Variants in GNB1 observed in about 807,000 individuals in gnomAD.
The protein encoded by GNB1 is guanine nucleotide-binding protein G(I)/G(S)/G(T) subunit beta-1.
Under a neutral mutation model 42.9 loss-of-function variants are expected in GNB1, and 2 were observed. That is an observed-to-expected ratio of 0.05 (90% CI 0.02 to 0.15). The LOEUF is 0.15. Ranked by LOEUF, GNB1 falls within the 10% of genes least tolerant of loss-of-function variation. The pLI is 1.00. For synonymous variants in GNB1, 183 were observed against 174.7 expected (o/e 1.05, Z -0.38); for missense variants, 193 against 462.2 (o/e 0.42, Z 5.34).
At chr1:1,833,431 C>T (rs575192161) in intron 2 of GNB1, among the ~76,000 whole-genome samples, 41 of 152,292 alleles carry the variant, frequency 2.7e-4, no homozygotes, top group African/African-American at 9.1e-4. Context: ...CCGCTCCTAA[C>T]AATACTGTGA....
chr1:1,861,745 C>T (rs911030881), intron 1 of GNB1, among the ~76,000 whole-genome samples: 19 of 152,078 alleles, frequency 1.2e-4, no homozygotes, highest in African/African-American at 4.3e-4. Context: ...CAAACTGGAC[C>T]CTTCAAGCAA....
intron 1 of GNB1, among the ~76,000 whole-genome samples, chr1:1,870,463 T>G (rs1390608237): frequency 6.6e-6 from 1 of 152,204 alleles, no homozygotes; most frequent in East Asian, 1.9e-4. Context: ...GGGATTATAG[T>G]TATAAGCCAC....
intron 3 of GNB1, among the ~76,000 whole-genome samples, chr1:1,823,589 A>T (rs1391413712): frequency 6.6e-6 from 1 of 152,170 alleles, no homozygotes; most frequent in Non-Finnish European, 1.5e-5. Context: ...GCAAACTATT[A>T]AAAAAATCTA....
chr1:1,818,005 A>G (rs1432943119), intron 3 of GNB1, 130 bp from the exon 4 acceptor site: 1 of 699,024 alleles, frequency 1.4e-6, no homozygotes, highest in African/African-American at 1.7e-5. Flanking sequence ...AAAGAACGGC[A>G]GAGTCTCCTT....
chr1:1,861,991 CG>C (rs1557936504), intron 1 of GNB1, among the ~76,000 whole-genome samples: 1 of 151,862 alleles, frequency 6.6e-6, no homozygotes, highest in African/African-American at 2.4e-5. Flanking sequence ...ACTTGAGCCC[CG>C]GGGGTCGGAG....
At chr1:1,881,070 T>C (rs911046097) in intron 1 of GNB1, among the ~76,000 whole-genome samples, 1 of 152,022 alleles carries the variant, frequency 6.6e-6, no homozygotes, top group Non-Finnish European at 1.5e-5. Flanking sequence ...GAGGAGAAAG[T>C]ATAAGGCCTG....
intron 1 of GNB1, among the ~76,000 whole-genome samples, chr1:1,854,322 T>C (rs529553364): frequency 6.6e-6 from 1 of 152,310 alleles, no homozygotes; most frequent in Admixed American, 6.5e-5. Context: ...TTCTGACTTA[T>C]TCCTACTAGT....
At position 1,841,622 on chromosome 1, in the gene GNB1, C is replaced by T. The variant is rs556049970; in HGVS notation, c.-95-2384G>A. ...AGTCTGCAAACTCACATGCACACATCTAGTCTGGAGTCAGTAGATGAATCA... is the reference window on the plus strand; with the variant it reads ...AGTCTGCAAACTCACATGCACACATTTAGTCTGGAGTCAGTAGATGAATCA... On this transcript the variant is annotated intron_variant, in intron 1 of 11. Coordinates refer to ENST00000378609, the MANE Select transcript of GNB1 (RefSeq NM_002074.5). 2.6e-5 allele frequency among the ~76,000 whole-genome samples: 4 copies of T among 152,334 alleles called. No homozygotes were observed. The South Asian group carries it at 8.3e-4, about 32-fold the overall frequency.
At chr1:1,852,889 C>T (rs1648068768) in intron 1 of GNB1, among the ~76,000 whole-genome samples, 1 of 152,084 alleles carries the variant, frequency 6.6e-6, no homozygotes, top group African/African-American at 2.4e-5. Flanking sequence ...TGTGGTTCTT[C>T]TCTCAAGTCG....
intron 1 of GNB1, among the ~76,000 whole-genome samples, chr1:1,880,839 G>A (rs760618177): frequency 4.6e-5 from 7 of 152,114 alleles, no homozygotes; most frequent in Non-Finnish European, 1.0e-4. Flanking sequence ...ACTGTGTACC[G>A]TTTTAGGGGC....
chr1:1,862,242 G>C (rs1257960518), intron 1 of GNB1, among the ~76,000 whole-genome samples: 1 of 152,136 alleles, frequency 6.6e-6, no homozygotes, highest in East Asian at 1.9e-4. Flanking sequence ...ACTAAGTAAA[G>C]TGTATATGTT....
At chr1:1,852,416 G>A (rs964604733) in intron 1 of GNB1, among the ~76,000 whole-genome samples, 22 of 152,026 alleles carry the variant, frequency 1.4e-4, no homozygotes, top group Admixed American at 1.1e-3. Context: ...ATTTTTAGTA[G>A]AGACGGTGTT....
chr1:1,870,084 C>G lies in GNB1; in HGVS notation c.-96+20736G>C, dbSNP rs12725946. Among the ~76,000 whole-genome samples, 15 of 152,074 alleles carry G rather than the reference C, an allele frequency of 9.9e-5. 1 individual carries two copies. The highest frequency in any genetic ancestry group is 7.2e-4 in the Admixed American group (11 of 15,264). On this transcript the variant is annotated intron_variant, in intron 1 of 11. Transcript: ENST00000378609. ...CCATATTGGCCAGGCTGGTCTCGAT[C>G]TCTTGACCTCAAGTGATCTGCCCGC...
At chr1:1,788,805 C>A (rs1646440410) in intron 10 of GNB1, 1 of 467,016 alleles carries the variant, frequency 2.1e-6, no homozygotes, top group Admixed American at 3.3e-5. Context: ...CACAGCTGAC[C>A]CTCTCCTGCC....
intron 7 of GNB1, among the ~76,000 whole-genome samples, chr1:1,803,714 C>T (rs1056029461): frequency 1.3e-5 from 2 of 152,082 alleles, no homozygotes; most frequent in African/African-American, 4.8e-5. Context: ...CCGGGCGCAG[C>T]GGCTCACGCC....
At chr1:1,792,498 A>C (rs1646494124) in intron 8 of GNB1, among the ~76,000 whole-genome samples, 1 of 151,788 alleles carries the variant, frequency 6.6e-6, no homozygotes, top group African/African-American at 2.4e-5. Flanking sequence ...CGGATAAGAG[A>C]CCATCCTGGC....
chr1:1,804,364 T>C (rs1219950345), intron 7 of GNB1, 55 bp downstream of exon 7: 7 of 1,184,678 alleles, frequency 5.9e-6, no homozygotes, highest in African/African-American at 4.5e-5. Context: ...AAGCATATAA[T>C]GTACCCCAGG....
intron 7 of GNB1, among the ~76,000 whole-genome samples, chr1:1,803,061 G>C (rs1366302704): frequency 6.6e-6 from 1 of 152,248 alleles, no homozygotes; most frequent in Admixed American, 6.5e-5. Flanking sequence ...GGTGTCAACT[G>C]TAGTACTAGT....
At chr1:1,884,559 T>G (rs1005814630) in intron 1 of GNB1, among the ~76,000 whole-genome samples, 8 of 151,952 alleles carry the variant, frequency 5.3e-5, no homozygotes. Context: ...AGAAGTTGAG[T>G]GTCTGTAATC....
Sources: allele counts gnomAD v4.1 joint callset (sites outside exome capture counted in the v4.1 genomes callset), GRCh38; gene constraint gnomAD v4.1.1; transcripts MANE v1.5; gene names NCBI Gene and HGNC (gene_info 2026-07-23, HGNC 2026-07-21).